PCDHA2: variants seen among roughly 807,000 people sequenced by gnomAD.
PCDHA2 encodes the protein protocadherin alpha-2.
In PCDHA2, 58 loss-of-function variants were observed where a neutral mutation model predicts 66.0. The ratio of observed to expected loss-of-function variants is 0.88; its 90% CI spans 0.71 to 1.09. The LOEUF is 1.09. Among genes scored for constraint, PCDHA2 ranks in the 50% least tolerant of loss-of-function variants. The pLI is 0.00. For synonymous variants in PCDHA2, 634 were observed against 554.0 expected, an observed-to-expected ratio of 1.14 and a Z score of -2.03; for missense variants, 1,267 against 1,242.3, an observed-to-expected ratio of 1.02 and a Z score of -0.30.
At chr5:141,005,285 A>T (rs1285354488) in intron 3 of PCDHA2, among the ~76,000 whole-genome samples, 1 of 152,218 alleles carries the variant, frequency 6.6e-6, no homozygotes, top group Non-Finnish European at 1.5e-5. Context: ...ATAAACAGAT[A>T]CATTTTTTGC....
chr5:140,809,557 G>A, intron 1 of PCDHA2: 1 of 1,610,094 alleles, frequency 6.2e-7, no homozygotes, highest in Non-Finnish European at 8.5e-7. Flanking sequence ...AGACAACTGA[G>A]GAATCCTTTG....
intron 3 of PCDHA2, among the ~76,000 whole-genome samples, chr5:141,003,288 T>C (rs2098118136): frequency 2.0e-5 from 3 of 152,182 alleles, no homozygotes; most frequent in African/African-American, 7.2e-5. Context: ...AATTGGATTA[T>C]AGGATTACAT....
rs1554119807 is a variant in PCDHA2, at chr5:140,796,270, TG to T, written c.1309del (p.Ala437ProfsTer12). On this transcript the variant is annotated frameshift_variant, in exon 1 of 4. Coordinates refer to ENST00000526136, the MANE Select transcript of PCDHA2 (RefSeq NM_018905.3). LOFTEE classifies it high-confidence loss of function. ...ACGGGACGGGGGCTCGCCTTCACTG[TG>T]GGCCACCACCAGCGTGTCCATCGAG... ...TARDGGSPSL[W>X]ATTSVSIEVA... 6.2e-7 allele frequency: 1 copy of T among 1,614,096 alleles called. No individual in the cohort carries two copies. The highest frequency in any genetic ancestry group is 1.1e-5 in the South Asian group (1 of 91,076).
rs139887265 is a variant in PCDHA2, at chr5:140,849,821, T to C, written c.2388+52469T>C. The C allele has an allele frequency of 1.1e-5, 18 of 1,598,172 alleles. 3 individuals carry two copies. Among genetic ancestry groups the C allele is most frequent in the African/African-American group, 4.0e-5 (3 of 74,350 alleles). ...CACTGTGGGCCACGGCCAGGGTGTCTGTGGAGGTGGCCGACGTGAACGACA... is the reference window on the plus strand; with the variant it reads ...CACTGTGGGCCACGGCCAGGGTGTCCGTGGAGGTGGCCGACGTGAACGACA... On this transcript the variant is annotated intron_variant, in intron 1 of 3. Transcript: ENST00000526136.
intron 1 of PCDHA2, chr5:140,801,549 C>A: frequency 6.2e-7 from 1 of 1,614,204 alleles, no homozygotes; most frequent in Non-Finnish European, 8.5e-7. Context: ...GCAGGTTTTC[C>A]ATGTGGAGGT....
chr5:140,979,094 T>G, intron 2 of PCDHA2, 87 bp downstream of exon 2: 3 of 1,551,990 alleles, frequency 1.9e-6, no homozygotes, highest in Non-Finnish European at 2.6e-6. Context: ...CAGAAGCAGC[T>G]GTCAAAACTA....
At chr5:140,838,892 G>A (rs2150293495) in intron 1 of PCDHA2, among the ~76,000 whole-genome samples, 5 of 151,826 alleles carry the variant, frequency 3.3e-5, no homozygotes, top group Non-Finnish European at 5.9e-5. Context: ...TCCAGCCTAG[G>A]TGACAGAGCA....
intron 1 of PCDHA2, among the ~76,000 whole-genome samples, chr5:140,892,084 C>G (rs1233800772): frequency 6.6e-6 from 1 of 151,992 alleles, no homozygotes; most frequent in African/African-American, 2.4e-5. Flanking sequence ...TTCTAGTTTC[C>G]TCTCGAAACT....
At chr5:141,007,015 A>G (rs1342063703) in intron 3 of PCDHA2, among the ~76,000 whole-genome samples, 1 of 152,210 alleles carries the variant, frequency 6.6e-6, no homozygotes, top group Non-Finnish European at 1.5e-5. Flanking sequence ...TCATCAGCTT[A>G]TTCATATGGT....
At chr5:140,823,756 A>G (rs1767861946) in intron 1 of PCDHA2, 1 of 1,613,820 alleles carries the variant, frequency 6.2e-7, no homozygotes, top group Non-Finnish European at 8.5e-7. Flanking sequence ...GCTGACAGCC[A>G]CAGCCACAGT....
intron 1 of PCDHA2, among the ~76,000 whole-genome samples, chr5:140,893,497 G>GA (rs1157700367): frequency 4.1e-4 from 62 of 150,170 alleles, no homozygotes; most frequent in African/African-American, 1.2e-3. Context: ...TCACAAAAAA[G>GA]AAAAAAAAAG....
intron 1 of PCDHA2, chr5:140,926,863 G>A: frequency 1.3e-6 from 2 of 1,523,054 alleles, no homozygotes; most frequent in Non-Finnish European, 8.8e-7. Flanking sequence ...GGTGTAGCGT[G>A]TTGGTGGAAC....
chr5:140,873,031 G>A (rs782124612), intron 1 of PCDHA2, among the ~76,000 whole-genome samples: 3 of 152,110 alleles, frequency 2.0e-5, no homozygotes, highest in East Asian at 1.9e-4. Context: ...CTTACTACAC[G>A]TAGAGTGGTG....
chr5:140,859,869 C>T (rs2046062813), intron 1 of PCDHA2: 1 of 151,680 alleles, frequency 6.6e-6, no homozygotes, highest in South Asian at 2.1e-4. Flanking sequence ...TATATACTTC[C>T]CCCTCTGATA....
intron 1 of PCDHA2, among the ~76,000 whole-genome samples, chr5:140,798,457 T>C (rs7701203): frequency 0.054 from 8,177 of 152,234 alleles, 724 homozygotes; most frequent in African/African-American, 0.19. Context: ...GTTTTTCAGG[T>C]GGTGGGACTT....
chr5:140,843,174 C>G (rs2150354431), intron 1 of PCDHA2: 17 of 1,596,086 alleles, frequency 1.1e-5, no homozygotes, highest in African/African-American at 9.4e-5. Context: ...GCAAGCAGCC[C>G]TCGCATCCCG....
At chr5:140,850,328 GCAGCC>G (rs2150480020) in intron 1 of PCDHA2, 3 of 1,597,678 alleles carry the variant, frequency 1.9e-6, no homozygotes, top group South Asian at 2.2e-5. Context: ...CATACGAGCT[GCAGCC>G]AGAAACGGCC....
At chr5:140,836,150 T>A (rs2150254160) in intron 1 of PCDHA2, 1 of 1,613,680 alleles carries the variant, frequency 6.2e-7, no homozygotes, top group Non-Finnish European at 8.5e-7. Context: ...GCGCGGGCCA[T>A]GTGGTGGCGA....
intron 1 of PCDHA2, among the ~76,000 whole-genome samples, chr5:140,889,953 A>G (rs2062443064): frequency 6.6e-6 from 1 of 152,214 alleles, no homozygotes; most frequent in Non-Finnish European, 1.5e-5. Context: ...AGCCAAATGG[A>G]TAGAAAAATT....
Sources: allele counts gnomAD v4.1 joint callset (sites outside exome capture counted in the v4.1 genomes callset), GRCh38; gene constraint gnomAD v4.1.1; transcripts MANE v1.5; gene names NCBI Gene and HGNC (gene_info 2026-07-23, HGNC 2026-07-21).